The following CDH2 variants were observed in gnomAD, a reference collection of about 807,000 sequenced individuals.
CDH2 encodes cadherin 2.
A neutral mutation model predicts 92.0 loss-of-function variants in CDH2; 17 were observed. That is an observed-to-expected ratio of 0.18 (90% CI 0.13 to 0.28). The LOEUF (loss-of-function observed/expected upper bound fraction) is 0.28. Among genes scored for constraint, CDH2 ranks in the 10% least tolerant of loss-of-function variants. The pLI is 1.00. For synonymous variants in CDH2, 419 were observed against 415.9 expected, an observed-to-expected ratio of 1.01 and a Z score of -0.09; for missense variants, 862 against 1,133.1, an observed-to-expected ratio of 0.76 and a Z score of 3.44.
At chr18:28,018,900 T>A (rs1270025823) in intron 2 of CDH2, among the ~76,000 whole-genome samples, 1 of 149,848 alleles carries the variant, frequency 6.7e-6, no homozygotes, top group African/African-American at 2.4e-5. Context: ...TATGTACATA[T>A]ATATGTGTGT....
intron 3 of CDH2, among the ~76,000 whole-genome samples, chr18:28,012,357 T>A (rs2013125444): frequency 6.6e-6 from 1 of 152,216 alleles, no homozygotes; most frequent in Non-Finnish European, 1.5e-5. Flanking sequence ...CTACTGTACA[T>A]TAAATTTAGA....
chr18:28,017,122 G>A (rs1247095598), intron 2 of CDH2, among the ~76,000 whole-genome samples: 2 of 152,046 alleles, frequency 1.3e-5, no homozygotes, highest in Non-Finnish European at 2.9e-5. Context: ...GGGTGATACC[G>A]GCTTCACAGA....
At chr18:28,148,647 C>T (rs764562083) in intron 1 of CDH2, among the ~76,000 whole-genome samples, 6 of 152,024 alleles carry the variant, frequency 3.9e-5, no homozygotes, top group South Asian at 4.1e-4. Flanking sequence ...AGAGGAAGGA[C>T]GAGTAGAATG....
At chr18:27,983,194 A>G (rs1025097311) in intron 13 of CDH2, 111 bp from the exon 14 acceptor site, 2 of 734,904 alleles carry the variant, frequency 2.7e-6, no homozygotes, top group Non-Finnish European at 4.3e-6. Flanking sequence ...GAAGGCCTGA[A>G]ATGCGTCTTT....
At chr18:28,151,698 A>G (rs2016125354) in intron 1 of CDH2, among the ~76,000 whole-genome samples, 1 of 152,190 alleles carries the variant, frequency 6.6e-6, no homozygotes, top group Admixed American at 6.5e-5. Flanking sequence ...AACTTCCAAG[A>G]GGAGAAAGAG....
intron 14 of CDH2, among the ~76,000 whole-genome samples, chr18:27,965,156 A>G (rs1465265026): frequency 1.3e-5 from 2 of 152,234 alleles, no homozygotes; most frequent in East Asian, 1.9e-4. Context: ...TATGACTAAA[A>G]TGAGAATCAA....
chr18:27,972,384 T>C (rs1010289592), intron 14 of CDH2, among the ~76,000 whole-genome samples: 4 of 152,110 alleles, frequency 2.6e-5, no homozygotes, highest in Non-Finnish European at 4.4e-5. Flanking sequence ...CTAAATAAAA[T>C]ATCTATCATA....
intron 2 of CDH2, among the ~76,000 whole-genome samples, chr18:28,065,431 TA>T (rs1440854640): frequency 6.6e-6 from 1 of 152,182 alleles, no homozygotes; most frequent in African/African-American, 2.4e-5. Flanking sequence ...CACTACATGT[TA>T]ACAAGAATCC....
At chr18:27,941,554 T>C (rs1354874618) in intron 6 of CDH2, among the ~76,000 whole-genome samples, 1 of 152,224 alleles carries the variant, frequency 6.6e-6, no homozygotes, top group Non-Finnish European at 1.5e-5. Context: ...AGCAATTAGA[T>C]ATATTTGCTT....
chr18:28,083,101 G>C (rs1192547582), intron 2 of CDH2, among the ~76,000 whole-genome samples: 1 of 152,158 alleles, frequency 6.6e-6, no homozygotes, highest in African/African-American at 2.4e-5. Flanking sequence ...TGTTGCTGTT[G>C]ATCTGGTTGC....
chr18:27,960,001 A>G (rs570333533), intron 15 of CDH2, among the ~76,000 whole-genome samples: 1 of 139,260 alleles, frequency 7.2e-6, no homozygotes, highest in African/African-American at 2.7e-5. Flanking sequence ...AGCAACAGAG[A>G]GAGACCCTGT....
At chr18:27,952,579 C>T (rs892679368) in intron 15 of CDH2, among the ~76,000 whole-genome samples, 1 of 152,078 alleles carries the variant, frequency 6.6e-6, no homozygotes, top group Non-Finnish European at 1.5e-5. Context: ...CAACCCTAAG[C>T]AGTCAAGCTC....
intron 2 of CDH2, among the ~76,000 whole-genome samples, chr18:28,108,507 G>A (rs976397381): frequency 2.0e-5 from 3 of 152,098 alleles, no homozygotes; most frequent in African/African-American, 7.2e-5. Flanking sequence ...ACACACTGGG[G>A]CTCAGCTTTT....
chr18:28,166,618 T>G (rs2016389642), intron 1 of CDH2, among the ~76,000 whole-genome samples: 1 of 152,138 alleles, frequency 6.6e-6, no homozygotes, highest in African/African-American at 2.4e-5. Flanking sequence ...CAAAACAATG[T>G]GTAGAGGCAA....
In CDH2 at chr18:28,066,261, T is replaced by C. The variant is rs931848937; in HGVS notation, c.173-52352A>G. On this transcript the variant is annotated intron_variant, in intron 2 of 15. Coordinates refer to ENST00000269141, the MANE Select transcript of CDH2 (RefSeq NM_001792.5). ...CAGACACTTACTAAATATAAAATAA[T>C]TGTACCTTCAAAATTAATTACATAT... 3.3e-5 allele frequency among the ~76,000 whole-genome samples: 5 copies of C among 152,228 alleles called. No individual in the cohort carries two copies. In the East Asian group the frequency reaches 5.8e-4, roughly 18 times the overall value.
At chr18:28,089,714 C>G (rs1032172360) in intron 2 of CDH2, among the ~76,000 whole-genome samples, 1 of 152,040 alleles carries the variant, frequency 6.6e-6, no homozygotes, top group Non-Finnish European at 1.5e-5. Context: ...TTTCTTAAAA[C>G]AAGATTAAAG....
In CDH2 at chr18:28,013,893, G is replaced by A. The variant is rs141867137; in HGVS notation, c.189C>T (p.Cys63=). 2.4e-4 allele frequency: 390 copies of A among 1,611,856 alleles called. 1 individual carries two copies. In the African/African-American group the frequency reaches 4.8e-3, roughly 20 times the overall value. ...QPLLNVKFSN[C]NGKRKVQYES... ...CATATTGTACTTTTCTTTTTCCATT[G>A]CAGTTGCTAAACTTCACTGTAAAAG... The change falls in exon 3 of 16, where the codon TGC becomes TGT. Residue 63 remains cysteine (C), a synonymous_variant. Coordinates refer to ENST00000269141, the MANE Select transcript of CDH2 (RefSeq NM_001792.5).
At chr18:28,148,853 G>A (rs1335706648) in intron 1 of CDH2, among the ~76,000 whole-genome samples, 3 of 152,144 alleles carry the variant, frequency 2.0e-5, no homozygotes, top group Non-Finnish European at 4.4e-5. Flanking sequence ...GTGAAATTTT[G>A]CAAATACTAA....
intron 2 of CDH2, among the ~76,000 whole-genome samples, chr18:28,074,022 A>C (rs1278530719): frequency 1.3e-5 from 2 of 152,196 alleles, no homozygotes; most frequent in Non-Finnish European, 2.9e-5. Flanking sequence ...TGCCCAAAAA[A>C]TTCTGAGAGA....
Sources: gnomAD v4.1 joint callset for allele counts (sites outside exome capture counted in the v4.1 genomes callset) on GRCh38, gnomAD v4.1.1 for gene constraint, MANE v1.5 for transcripts, NCBI Gene and HGNC (gene_info 2026-07-23, HGNC 2026-07-21) for gene names.